The following SRP54 variants were observed in gnomAD, a reference collection of about 807,000 sequenced individuals.
The protein encoded by SRP54 is signal recognition particle subunit SRP54.
SRP54 carries 10 observed loss-of-function variants against 64.8 expected under a neutral mutation model. The ratio of observed to expected loss-of-function variants is 0.15; its 90% CI spans 0.10 to 0.26. The LOEUF is 0.26. Among genes scored for constraint, SRP54 ranks in the 10% least tolerant of loss-of-function variants. The pLI is 1.00. For synonymous variants in SRP54, 193 were observed against 185.6 expected, an observed-to-expected ratio of 1.04 and a Z score of -0.32; for missense variants, 325 against 613.7, an observed-to-expected ratio of 0.53 and a Z score of 4.97.
At chr14:34,998,537 T>A (rs1286577049) in intron 2 of SRP54, among the ~76,000 whole-genome samples, 1 of 151,866 alleles carries the variant, frequency 6.6e-6, no homozygotes, top group African/African-American at 2.4e-5. Context: ...TTAAGCCGGG[T>A]GTGGTAGCTC....
chr14:35,012,685 A>G (rs935559820), intron 8 of SRP54, among the ~76,000 whole-genome samples: 2 of 152,118 alleles, frequency 1.3e-5, no homozygotes, highest in Non-Finnish European at 2.9e-5. Flanking sequence ...AGGTCCAGAG[A>G]GGCCTTCCCT....
chr14:35,000,904 C>T (rs747760442), intron 3 of SRP54, 32 bp from the exon 4 acceptor site: 1 of 1,324,562 alleles, frequency 7.5e-7, no homozygotes, highest in East Asian at 2.5e-5. Context: ...ATTTTCTCCT[C>T]CCCACCCCAA....
intron 1 of SRP54, among the ~76,000 whole-genome samples, chr14:34,987,230 G>GA (rs199590717): frequency 3.2e-4 from 40 of 124,314 alleles, no homozygotes; most frequent in African/African-American, 4.2e-4. Flanking sequence ...CACTACATCT[G>GA]AAAAAAAAAA....
chr14:35,016,311 CT>C (rs1212399401), intron 11 of SRP54, among the ~76,000 whole-genome samples: 1 of 152,200 alleles, frequency 6.6e-6, no homozygotes, highest in African/African-American at 2.4e-5. Context: ...GTGGCTTTCT[CT>C]TGCCCTTTTA....
intron 2 of SRP54, 119 bp downstream of exon 2, chr14:34,996,906 T>C: frequency 1.5e-6 from 1 of 655,442 alleles, no homozygotes; most frequent in South Asian, 2.2e-5. Context: ...TACTTGTAGA[T>C]AAAAGCCTAA....
At chr14:35,023,212 A>C (rs1465493523) in intron 14 of SRP54, 132 bp downstream of exon 14, 8 of 681,722 alleles carry the variant, frequency 1.2e-5, no homozygotes. Context: ...GATTTATGTG[A>C]CCTGTGATTT....
At chr14:35,004,517 C>T (rs182187863) in intron 4 of SRP54, 5 of 152,188 alleles carry the variant, frequency 3.3e-5, no homozygotes, top group East Asian at 1.9e-4. Flanking sequence ...TTTAATGTAA[C>T]GAGTATAAAA....
chr14:35,008,572 A>T, intron 5 of SRP54, 55 bp from the exon 6 acceptor site: 1 of 1,167,782 alleles, frequency 8.6e-7, no homozygotes, highest in South Asian at 2.1e-5. Context: ...AAAAAATTAT[A>T]TGTATAGTTT....
Position 34,999,633 on chromosome 14 carries a change from C to T in SRP54, c.154C>T (p.Leu52=). The change falls in exon 3 of 16, where the codon CTA becomes TTA. Residue 52 remains leucine (L), a synonymous_variant. Transcript: ENST00000216774. ...TGTTAATATTAAACTAGTGAAGCAA[C>T]TAAGAGAAAATGTTAAGTAAGTTAA... ...ADVNIKLVKQ[L]RENVKSAIDL... is the part of the protein sequence containing the mutation. 1 of 1,612,024 alleles carries T rather than the reference C, an allele frequency of 6.2e-7. No individual in the cohort carries two copies. The highest frequency in any genetic ancestry group is 8.5e-7 in the Non-Finnish European group (1 of 1,178,458).
chr14:35,008,739 C>G (rs754860140), intron 6 of SRP54, 35 bp from the exon 7 acceptor site: 1 of 1,603,568 alleles, frequency 6.2e-7, no homozygotes, highest in South Asian at 1.1e-5. Flanking sequence ...TTTTTATTTT[C>G]AAGTTTGAGG....
chr14:35,011,864 G>A (rs2044361883), intron 8 of SRP54, among the ~76,000 whole-genome samples: 1 of 152,058 alleles, frequency 6.6e-6, no homozygotes, highest in Non-Finnish European at 1.5e-5. Flanking sequence ...ATTTTCATAA[G>A]TATGAAAAAG....
At chr14:35,021,408 TC>T (rs1261442936) in intron 13 of SRP54, among the ~76,000 whole-genome samples, 1 of 152,092 alleles carries the variant, frequency 6.6e-6, no homozygotes, top group African/African-American at 2.4e-5. Context: ...GGTCGGTGGA[TC>T]ACTTGAGGTC....
chr14:35,008,883 G>GA, intron 7 of SRP54, 52 bp downstream of exon 7: 2 of 847,356 alleles, frequency 2.4e-6, no homozygotes, highest in Non-Finnish European at 3.4e-6. Context: ...TTGTCTGTCA[G>GA]CTTTTTTTTT....
chr14:35,004,593 C>T (rs569116660), intron 4 of SRP54: 3 of 152,020 alleles, frequency 2.0e-5, no homozygotes, highest in African/African-American at 7.2e-5. Context: ...ATAAAGAAGC[C>T]CTGAGACCAA....
chr14:34,992,451 T>C (rs1043657992), intron 1 of SRP54, among the ~76,000 whole-genome samples: 13 of 152,196 alleles, frequency 8.5e-5, no homozygotes, highest in African/African-American at 3.1e-4. Flanking sequence ...AAGAATTTAC[T>C]AGGCAGCCAT....
chr14:34,993,700 T>A (rs7141292), intron 1 of SRP54, among the ~76,000 whole-genome samples: 29,984 of 150,586 alleles, frequency 0.2, 3,172 homozygotes, highest in East Asian at 0.38. Flanking sequence ...TTAATTAATT[T>A]ATTTATTTAT....
intron 4 of SRP54, 86 bp from the exon 5 acceptor site, chr14:35,007,193 CAAAA>C: frequency 1.2e-6 from 1 of 825,598 alleles, no homozygotes; most frequent in Non-Finnish European, 1.8e-6. Context: ...GACCCTGTCT[CAAAA>C]AAGGAAAAAA....
At chr14:34,987,210 GAC>G (rs2043909103) in intron 1 of SRP54, among the ~76,000 whole-genome samples, 1 of 138,178 alleles carries the variant, frequency 7.2e-6, no homozygotes, top group Non-Finnish European at 1.5e-5. Flanking sequence ...TAGCCTGGGT[GAC>G]AGAGAGACAC....
chr14:34,988,582 T>TATATATATATATATATAAC (rs1555352771), intron 1 of SRP54, among the ~76,000 whole-genome samples: 28 of 34,900 alleles, frequency 8.0e-4, no homozygotes, highest in East Asian at 1.9e-3. Flanking sequence ...AAAAAAAATA[T>TATATATATATATATATAAC]ATATATATAT....
Sources: gnomAD v4.1 joint callset for allele counts (sites outside exome capture counted in the v4.1 genomes callset) on GRCh38, gnomAD v4.1.1 for gene constraint, MANE v1.5 for transcripts, NCBI Gene and HGNC (gene_info 2026-07-23, HGNC 2026-07-21) for gene names.